ZFP91: variants seen among roughly 807,000 people sequenced by gnomAD.
The protein encoded by ZFP91 is ZFP91 zinc finger protein, atypical E3 ubiquitin ligase, also known as E3 ubiquitin-protein ligase ZFP91.
Under a neutral mutation model 63.5 loss-of-function variants are expected in ZFP91, and 7 were observed. The ratio of observed to expected loss-of-function variants is 0.11; its 90% CI spans 0.06 to 0.21. The LOEUF (loss-of-function observed/expected upper bound fraction) is 0.21. Ranked by LOEUF, ZFP91 falls within the 10% of genes least tolerant of loss-of-function variation. The probability of loss-of-function intolerance (pLI) is 1.00; values close to 1 mark genes in which losing one functional copy is unlikely to be tolerated. For missense variants in ZFP91, 628 were observed against 736.6 expected (o/e 0.85, Z 1.71); for synonymous variants, 330 against 272.1 (o/e 1.21, Z -2.10).
chr11:58,598,742 T>G (rs1178086350), intron 2 of ZFP91, among the ~76,000 whole-genome samples: 1 of 141,634 alleles, frequency 7.1e-6, no homozygotes, highest in African/African-American at 2.8e-5. Flanking sequence ...GGCAATACTT[T>G]TGTGCACGTG....
chr11:58,590,383 T>G (rs1855283741), intron 2 of ZFP91, among the ~76,000 whole-genome samples: 1 of 152,216 alleles, frequency 6.6e-6, no homozygotes, highest in African/African-American at 2.4e-5. Context: ...AATTTATTAT[T>G]TACTGGTTGG....
chr11:58,586,700 C>G (rs1021204946), intron 2 of ZFP91, among the ~76,000 whole-genome samples: 2 of 152,126 alleles, frequency 1.3e-5, no homozygotes, highest in African/African-American at 4.8e-5. Context: ...CGGGTAGTCA[C>G]TTTTTCCTGT....
chr11:58,597,001 G>A (rs1368660244), intron 2 of ZFP91, among the ~76,000 whole-genome samples: 1 of 152,128 alleles, frequency 6.6e-6, no homozygotes, highest in Non-Finnish European at 1.5e-5. Flanking sequence ...TGGGGGGCAA[G>A]TAGACCACTT....
intron 2 of ZFP91, among the ~76,000 whole-genome samples, chr11:58,601,806 T>C (rs755603821): frequency 3.3e-5 from 5 of 152,214 alleles, no homozygotes; most frequent in Non-Finnish European, 5.9e-5. Flanking sequence ...TATTTGTGAG[T>C]TTTCTAGTTT....
At chr11:58,602,403 G>A (rs1855504757) in intron 2 of ZFP91, among the ~76,000 whole-genome samples, 1 of 151,920 alleles carries the variant, frequency 6.6e-6, no homozygotes, top group African/African-American at 2.4e-5. Context: ...CTTCAGTTCT[G>A]TAAATCTTTG....
In ZFP91 at chr11:58,580,106, T is replaced by TTC. The variant is rs5792112; in HGVS notation, c.341+484_341+485insTC. The stretch of plus-strand genomic sequence containing the variant: ...GTGTTTATGTAGCTTTTTTTTTTTT[T>TTC]CACTTTTCTAAATTTTTCGCAACCC... On this transcript the variant is annotated intron_variant, in intron 1 of 10. Transcript: ENST00000316059. Among the ~76,000 whole-genome samples, 17 of 151,624 alleles carry TTC rather than the reference T, an allele frequency of 1.1e-4. No homozygotes were observed. The East Asian group carries it at 2.3e-3, about 21-fold the overall frequency.
chr11:58,579,343 C>A lies in ZFP91; in HGVS notation c.62C>A (p.Ala21Glu). The change falls in exon 1 of 11, where the codon GCG becomes GAG. Residue 21 changes from alanine to glutamate, a missense_variant. By Grantham distance (107) the Ala-to-Glu change is moderately radical. This residue lies in a region of ZFP91 where 437 missense variants were observed against 380.3 expected (regional missense o/e 1.15). Transcript: ENST00000316059. Reference sequence around the variant, plus strand: ...CAGCAGGACCAGGAAGGGGGAGAGGCGGCCAAGGCGGCTCCGGAGGAGCCC... The same window carrying A: ...CAGCAGGACCAGGAAGGGGGAGAGGAGGCCAAGGCGGCTCCGGAGGAGCCC... ...PEQQDQEGGEAAKAAPEEPQQ... is the reference protein window; with the variant it reads ...PEQQDQEGGEEAKAAPEEPQQ... 6.7e-7 allele frequency: 1 copy of A among 1,494,008 alleles called. No individual in the cohort carries two copies. 92.5% of individuals were successfully genotyped at this position (1,494,008 alleles called of 1,614,324 possible). A position where few individuals can be genotyped will look rare whatever the true frequency, so the allele number is the denominator to read the frequency against.
intron 2 of ZFP91, among the ~76,000 whole-genome samples, chr11:58,596,878 A>G (rs946405017): frequency 6.6e-6 from 1 of 151,950 alleles, no homozygotes; most frequent in Non-Finnish European, 1.5e-5. Flanking sequence ...TGTTCTCTCT[A>G]TTGGGATTTT....
At chr11:58,612,896 GCAC>G in intron 8 of ZFP91, 56 bp downstream of exon 8, 1 of 1,459,248 alleles carries the variant, frequency 6.9e-7, no homozygotes, top group Non-Finnish European at 9.5e-7. Flanking sequence ...ACTTGTTCTT[GCAC>G]CACGAGACTT....
intron 2 of ZFP91, among the ~76,000 whole-genome samples, chr11:58,593,588 A>G (rs925502942): frequency 6.6e-6 from 1 of 152,236 alleles, no homozygotes; most frequent in African/African-American, 2.4e-5. Context: ...ATAAATATTG[A>G]AAATGATCCA....
intron 6 of ZFP91, 22 bp downstream of exon 6, chr11:58,611,760 A>G: frequency 6.3e-7 from 1 of 1,584,858 alleles, no homozygotes; most frequent in Non-Finnish European, 8.6e-7. Flanking sequence ...ATTATTAAAA[A>G]TGAAAATCTA....
intron 2 of ZFP91, among the ~76,000 whole-genome samples, chr11:58,587,596 G>A (rs1232973677): frequency 6.6e-6 from 1 of 152,060 alleles, no homozygotes; most frequent in Non-Finnish European, 1.5e-5. Context: ...AAATCTTAAG[G>A]GATGGAGATC....
At chr11:58,601,892 AAAT>A (rs1286093893) in intron 2 of ZFP91, among the ~76,000 whole-genome samples, 1 of 152,112 alleles carries the variant, frequency 6.6e-6, no homozygotes, top group Non-Finnish European at 1.5e-5. Flanking sequence ...CAGCCATTTG[AAAT>A]TTATTGAGAC....
At position 58,617,767 on chromosome 11, in the gene ZFP91, CAAA is replaced by C; in HGVS notation, c.*69_*71del. ...CTTTGTATTTAAAAGTTAAAAAGGA[CAAA>C]AAAAAAATCTAAAGCATTTAAAATC... On this transcript the variant is annotated 3_prime_UTR_variant, in exon 11 of 11. Transcript: ENST00000316059. The surrounding 1 kb of genome is among the most constrained non-coding windows in gnomAD (Gnocchi z 4.2). The C allele has an allele frequency of 7.5e-7, 1 of 1,330,488 alleles. No homozygotes were observed. The allele number at this position is 1,330,488 out of a possible 1,614,324, so 82.4% of individuals were successfully genotyped here.
At chr11:58,606,789 T>C (rs7115571) in intron 2 of ZFP91, among the ~76,000 whole-genome samples, 6 of 152,340 alleles carry the variant, frequency 3.9e-5, no homozygotes, top group East Asian at 1.9e-4. Flanking sequence ...TAAACATCTT[T>C]ACTCACCTTT....
intron 2 of ZFP91, among the ~76,000 whole-genome samples, chr11:58,593,142 A>G (rs7928361): frequency 6.6e-6 from 1 of 152,208 alleles, no homozygotes; most frequent in African/African-American, 2.4e-5. Flanking sequence ...GAGGACAAAC[A>G]TCCAAACTAT....
At chr11:58,607,888 T>C (rs2134415700) in intron 2 of ZFP91, among the ~76,000 whole-genome samples, 1 of 152,224 alleles carries the variant, frequency 6.6e-6, no homozygotes, top group South Asian at 2.1e-4. Flanking sequence ...GAGGGTTAGG[T>C]TGTTTCTGTT....
At position 58,614,355 on chromosome 11, in the gene ZFP91, A is replaced by T; in HGVS notation, c.1102+12A>T. 1 of 1,588,158 alleles carries T rather than the reference A, an allele frequency of 6.3e-7. No homozygotes were observed. The highest frequency in any genetic ancestry group is 1.1e-5 in the South Asian group (1 of 88,176). On this transcript the variant is annotated intron_variant, in intron 9 of 10. Transcript: ENST00000316059. ...CAAACATCATACAGGTACTTTTAAA[A>T]TGTGTTTATCAAGTAGGTAATTGCA...
chr11:58,584,164 C>T (rs1286179523), intron 1 of ZFP91, among the ~76,000 whole-genome samples: 1 of 151,956 alleles, frequency 6.6e-6, no homozygotes, highest in Non-Finnish European at 1.5e-5. Context: ...TTTACTGTTG[C>T]TTTTTAATTT....
Sources: allele counts gnomAD v4.1 joint callset (sites outside exome capture counted in the v4.1 genomes callset), GRCh38; gene constraint gnomAD v4.1.1; regional missense constraint gnomAD v4.1.1; non-coding constraint Gnocchi (gnomAD v3.1); transcripts MANE v1.5; gene names NCBI Gene and HGNC (gene_info 2026-07-23, HGNC 2026-07-21).